The following FAM78B variants were observed in gnomAD, a reference collection of about 807,000 sequenced individuals.
FAM78B encodes the protein protein FAM78B.
In FAM78B, 10 loss-of-function variants were observed where a neutral mutation model predicts 20.0. The observed-to-expected ratio is 0.50, with a 90% CI of 0.31 to 0.85. The LOEUF is 0.85. Ranked by LOEUF, FAM78B falls within the 40% of genes least tolerant of loss-of-function variation. FAM78B has a pLI of 0.05. For missense variants in FAM78B, 283 were observed against 345.0 expected (o/e 0.82, Z 1.42); for synonymous variants, 135 against 132.8 (o/e 1.02, Z -0.12).
intron 1 of FAM78B, among the ~76,000 whole-genome samples, chr1:166,128,089 T>G (rs780987935): frequency 6.1e-4 from 93 of 152,102 alleles, no homozygotes; most frequent in Non-Finnish European, 1.1e-3. Context: ...ACATAGGAAG[T>G]GAAGGAAATG....
intron 1 of FAM78B, among the ~76,000 whole-genome samples, chr1:166,107,105 A>G (rs1271706081): frequency 6.6e-6 from 1 of 152,132 alleles, no homozygotes; most frequent in African/African-American, 2.4e-5. Flanking sequence ...CAGAAACAAG[A>G]ATAAACCAAA....
chr1:166,068,898 C>A (rs116309455), downstream of FAM78B, among the ~76,000 whole-genome samples: 2,470 of 152,232 alleles, frequency 0.016, 37 homozygotes, highest in Non-Finnish European at 0.025. Context: ...AAAATCCTCA[C>A]TTAAAGACTG....
At chr1:166,127,167 T>C (rs1010145301) in intron 1 of FAM78B, among the ~76,000 whole-genome samples, 18 of 152,252 alleles carry the variant, frequency 1.2e-4, no homozygotes, top group Admixed American at 6.5e-4. Flanking sequence ...GTTGTGAAGA[T>C]TGAAATGTAT....
chr1:166,111,098 C>T (rs1654034880), intron 1 of FAM78B, among the ~76,000 whole-genome samples: 1 of 152,162 alleles, frequency 6.6e-6, no homozygotes, highest in African/African-American at 2.4e-5. Context: ...GACGGGGCCA[C>T]TGTAGATAGG....
chr1:166,056,718 G>T (rs1651357974), downstream of FAM78B, among the ~76,000 whole-genome samples: 1 of 152,196 alleles, frequency 6.6e-6, no homozygotes, highest in Admixed American at 6.5e-5. Context: ...GGTGTTCCAG[G>T]AAGAAATGGT....
intron 1 of FAM78B, among the ~76,000 whole-genome samples, chr1:166,143,049 G>A (rs1571200838): frequency 6.6e-6 from 1 of 152,196 alleles, no homozygotes; most frequent in East Asian, 1.9e-4. Flanking sequence ...CTTAGGAGCT[G>A]TGAGATGTTG....
chr1:166,163,711 T>TA (rs1656247486), intron 1 of FAM78B, among the ~76,000 whole-genome samples: 1 of 152,222 alleles, frequency 6.6e-6, no homozygotes, highest in South Asian at 2.1e-4. Flanking sequence ...CAGGCATAAA[T>TA]ATCTTGTGGA....
At chr1:166,107,556 C>G (rs1387810842) in intron 1 of FAM78B, among the ~76,000 whole-genome samples, 1 of 152,070 alleles carries the variant, frequency 6.6e-6, no homozygotes, top group Non-Finnish European at 1.5e-5. Flanking sequence ...TATAAGAATT[C>G]TATCAGACAT....
intron 1 of FAM78B, among the ~76,000 whole-genome samples, chr1:166,083,687 T>C (rs1652673443): frequency 6.6e-6 from 1 of 152,180 alleles, no homozygotes; most frequent in African/African-American, 2.4e-5. Context: ...GTAGTTTTAG[T>C]AGAGACGGGT....
intron 1 of FAM78B, among the ~76,000 whole-genome samples, chr1:166,118,936 A>G (rs1041785690): frequency 1.9e-4 from 29 of 152,058 alleles, no homozygotes; most frequent in African/African-American, 6.8e-4. Context: ...CATTTTGCAG[A>G]CACCAGGACA....
chr1:166,091,775 A>G (rs1653083032), intron 1 of FAM78B, among the ~76,000 whole-genome samples: 1 of 152,186 alleles, frequency 6.6e-6, no homozygotes, highest in South Asian at 2.1e-4. Context: ...ATCCCCACAT[A>G]AATGATCTCA....
intron 1 of FAM78B, among the ~76,000 whole-genome samples, chr1:166,095,744 C>T (rs1220630959): frequency 3.9e-5 from 6 of 152,078 alleles, no homozygotes; most frequent in Non-Finnish European, 8.8e-5. Flanking sequence ...CCACCCCCAC[C>T]CCCAACCCAG....
chr1:166,102,325 A>G (rs1341692959), intron 1 of FAM78B, among the ~76,000 whole-genome samples: 4 of 152,212 alleles, frequency 2.6e-5, no homozygotes, highest in African/African-American at 9.6e-5. Flanking sequence ...ACCAGCTAAC[A>G]TCATCATGAC....
chr1:166,105,753 T>A (rs988667081), intron 1 of FAM78B, among the ~76,000 whole-genome samples: 1 of 152,030 alleles, frequency 6.6e-6, no homozygotes, highest in East Asian at 1.9e-4. Context: ...TTTACACTGT[T>A]GGTGGGACTG....
chr1:166,079,761 C>G (rs1426862269), intron 1 of FAM78B, among the ~76,000 whole-genome samples: 1 of 152,116 alleles, frequency 6.6e-6, no homozygotes, highest in Admixed American at 6.5e-5. Context: ...CTTGATTCAG[C>G]CCTCTGTTAG....
At chr1:166,102,461 C>T (rs1361686432) in intron 1 of FAM78B, among the ~76,000 whole-genome samples, 1 of 152,132 alleles carries the variant, frequency 6.6e-6, no homozygotes, top group African/African-American at 2.4e-5. Context: ...TTCAGGAAAC[C>T]CGTCTCATCT....
intron 1 of FAM78B, among the ~76,000 whole-genome samples, chr1:166,156,288 G>A (rs1268583319): frequency 5.3e-5 from 8 of 152,244 alleles, no homozygotes; most frequent in African/African-American, 1.7e-4. Flanking sequence ...AGACATTTAG[G>A]TGGTCCTGTT....
intron 1 of FAM78B, among the ~76,000 whole-genome samples, chr1:166,124,170 G>T (rs1346293659): frequency 2.6e-5 from 4 of 152,162 alleles, no homozygotes; most frequent in Non-Finnish European, 5.9e-5. Flanking sequence ...TCTGGCTCAT[G>T]GGTTTCAACA....
At chr1:166,133,700 G>C (rs972896201) in intron 1 of FAM78B, among the ~76,000 whole-genome samples, 1 of 151,974 alleles carries the variant, frequency 6.6e-6, no homozygotes, top group African/African-American at 2.4e-5. Context: ...TAATTAATTA[G>C]AGCAGGTCTT....
Sources: gnomAD v4.1 joint callset for allele counts (sites outside exome capture counted in the v4.1 genomes callset) on GRCh38, gnomAD v4.1.1 for gene constraint, MANE v1.5 for transcripts, NCBI Gene and HGNC (gene_info 2026-07-23, HGNC 2026-07-21) for gene names.